Variants in SMIM43 observed in about 807,000 individuals in gnomAD.
SMIM43 encodes the protein small integral membrane protein 43, also known as Nodal Enhanced MEsendoderm Peptide.
intron 5 of SMIM43, 34 bp from the exon 6 acceptor site, chr4:121,760,508 A>G: frequency 6.7e-7 from 1 of 1,498,340 alleles, no homozygotes. Context: ...CTCAGCAGCC[A>G]CCTTAATTAA....
At chr4:121,761,080 A>C (rs1414633265) in intron 5 of SMIM43, among the ~76,000 whole-genome samples, 1 of 151,838 alleles carries the variant, frequency 6.6e-6, no homozygotes, top group Non-Finnish European at 1.5e-5. Context: ...GTGTAGACAA[A>C]ATAAAAAGTG....
chr4:121,761,289 G>A (rs1316704802), intron 5 of SMIM43, among the ~76,000 whole-genome samples: 1 of 152,148 alleles, frequency 6.6e-6, no homozygotes, highest in Non-Finnish European at 1.5e-5. Context: ...TAAAAACAAA[G>A]TACAGCACTG....
chr4:121,761,450 C>T, intron 5 of SMIM43, 88 bp downstream of exon 5: 2 of 1,319,216 alleles, frequency 1.5e-6, no homozygotes, highest in Non-Finnish European at 1.0e-6. Flanking sequence ...TAAAATTTAA[C>T]TCTATTGCAC....
chr4:121,761,306 T>C (rs1456332713), intron 5 of SMIM43, among the ~76,000 whole-genome samples: 1 of 152,174 alleles, frequency 6.6e-6, no homozygotes, highest in Non-Finnish European at 1.5e-5. Flanking sequence ...ACTGTGTAGA[T>C]ACCTTATGCA....
rs1472885836 is a variant in SMIM43, at chr4:121,759,428, C to T, written c.*1546G>A. 1 of 152,218 alleles carries T rather than the reference C, an allele frequency of 6.6e-6. No individual in the cohort carries two copies. Among genetic ancestry groups the T allele is most frequent in the East Asian group, 1.9e-4 (1 of 5,204 alleles). 9.4% of individuals were successfully genotyped at this position (152,218 alleles called of 1,614,324 possible). A position where few individuals can be genotyped will look rare whatever the true frequency, so the allele number is the denominator to read the frequency against. On this transcript the variant is annotated 3_prime_UTR_variant, in exon 6 of 6. Transcript: ENST00000643802. Reference sequence around the variant, plus strand: ...GAATAAAGTATACCGTGCTATCTAACACAATAGCTAGTAGCCCCATTTGGC... The same window carrying T: ...GAATAAAGTATACCGTGCTATCTAATACAATAGCTAGTAGCCCCATTTGGC...
In SMIM43 at chr4:121,760,174, G is replaced by GTAGCCAGGGCATAAAA; in HGVS notation, c.*784_*799dup. Reference sequence around the variant, plus strand: ...TTATGCTCCTCTGCAACTGTATTCTGTAGCCAGGGCATAAAATGTTAGTTG... The same window carrying GTAGCCAGGGCATAAAA: ...TTATGCTCCTCTGCAACTGTATTCTGTAGCCAGGGCATAAAATAGCCAGGGCATAAAATGTTAGTTG... On this transcript the variant is annotated 3_prime_UTR_variant, in exon 6 of 6. Transcript: ENST00000643802. 1 of 1,448,660 alleles carries GTAGCCAGGGCATAAAA rather than the reference G, an allele frequency of 6.9e-7. No homozygotes were observed. Among genetic ancestry groups the GTAGCCAGGGCATAAAA allele is most frequent in the Non-Finnish European group, 9.3e-7 (1 of 1,080,694 alleles). 89.7% of individuals were successfully genotyped at this position (1,448,660 alleles called of 1,614,324 possible). A position where few individuals can be genotyped will look rare whatever the true frequency, so the allele number is the denominator to read the frequency against.
rs1379096936 is a variant in SMIM43 at position 121,760,796 on chromosome 4, G to T, written c.*500-322C>A. 2.6e-5 allele frequency among the ~76,000 whole-genome samples: 4 copies of T among 152,116 alleles called. No homozygotes were observed. The East Asian group carries it at 7.7e-4, about 29-fold the overall frequency. ...TAATAAAACAAAAGTCGCAGATAAT[G>T]GTTTTAGCTCAAACCCACCCATGTC... On this transcript the variant is annotated intron_variant, in intron 5 of 5. Coordinates refer to ENST00000643802, the MANE Select transcript of SMIM43 (RefSeq NM_001384332.1).
At chr4:121,761,994 G>A in intron 3 of SMIM43, 102 bp from the exon 4 acceptor site, 2 of 1,006,264 alleles carry the variant, frequency 2.0e-6, no homozygotes, top group African/African-American at 1.7e-5. Flanking sequence ...AGAAATTCAA[G>A]TCACCTTCTA....
chr4:121,760,658 A>C (rs1726011239), intron 5 of SMIM43, among the ~76,000 whole-genome samples, 184 bp from the exon 6 acceptor site: 1 of 152,212 alleles, frequency 6.6e-6, no homozygotes, highest in African/African-American at 2.4e-5. Context: ...ACCAAGATAA[A>C]AATTCATCTT....
chr4:121,765,196 C>T (rs1032844978), upstream of SMIM43: 7 of 387,096 alleles, frequency 1.8e-5, no homozygotes, highest in African/African-American at 1.5e-4. Context: ...ACCTCCCGCA[C>T]TCCCGCCCCT....
At chr4:121,765,380 C>G, upstream of SMIM43, 1 of 270,340 alleles carries the variant, frequency 3.7e-6, no homozygotes, top group Non-Finnish European at 6.9e-6. Context: ...CGAGCGACTT[C>G]CCTAGGAGCG....
In SMIM43 at chr4:121,759,373, C is replaced by T. The variant is rs1340436274; in HGVS notation, c.*1601G>A. 2 of 152,244 alleles carry T rather than the reference C, an allele frequency of 1.3e-5. No individual in the cohort carries two copies. The highest frequency in any genetic ancestry group is 4.8e-5 in the African/African-American group (2 of 41,456). The allele number at this position is 152,244 out of a possible 1,614,324, so 9.4% of individuals were successfully genotyped here. On this transcript the variant is annotated 3_prime_UTR_variant, in exon 6 of 6. Coordinates refer to ENST00000643802, the MANE Select transcript of SMIM43 (RefSeq NM_001384332.1). ...CCAAGCCCATGACTGACCCACACCT[C>T]TCCCAGCTGGTTCTACAACACAAGA...
In SMIM43 at chr4:121,761,818, C is replaced by G. The variant is rs547189219; in HGVS notation, c.*341+12G>C. The G allele has an allele frequency of 1.9e-6, 3 of 1,612,942 alleles. No homozygotes were observed. In the South Asian group the frequency reaches 3.3e-5, roughly 18 times the overall value. On this transcript the variant is annotated intron_variant, in intron 4 of 5. Coordinates refer to ENST00000643802, the MANE Select transcript of SMIM43 (RefSeq NM_001384332.1). ...ATCTTGCCAAGTAGAACTGCAGATC[C>G]ATTGCACTTACAAGTTTGGAAATTA...
At position 121,761,624 on chromosome 4, in the gene SMIM43, T is replaced by C. The variant is rs143352342; in HGVS notation, c.*413A>G. On this transcript the variant is annotated 3_prime_UTR_variant, in exon 5 of 6. Coordinates refer to ENST00000643802, the MANE Select transcript of SMIM43 (RefSeq NM_001384332.1). ...CCAGAAAAGCCAGTGCATGGCACAC[T>C]CTGGGTAAATTTTCTCTCTTATTCT... The C allele has an allele frequency of 3.7e-6, 6 of 1,613,716 alleles. No individual in the cohort carries two copies. Among genetic ancestry groups the C allele is most frequent in the Middle Eastern group, 1.6e-4 (1 of 6,084 alleles).
intron 5 of SMIM43, among the ~76,000 whole-genome samples, chr4:121,761,123 C>CAA (rs10577662): frequency 2.0e-5 from 3 of 147,674 alleles, no homozygotes; most frequent in African/African-American, 7.5e-5. Context: ...CTGATTCAAA[C>CAA]AAAAAAAAAA....
chr4:121,762,323 T>C (rs1726115073), intron 3 of SMIM43, among the ~76,000 whole-genome samples: 1 of 152,138 alleles, frequency 6.6e-6, no homozygotes, highest in South Asian at 2.1e-4. Flanking sequence ...GTAGTTCTAA[T>C]TTGAGAGATC....
rs1442049682 is a variant in SMIM43 at position 121,759,169 on chromosome 4, A to G, written c.*1805T>C. Reference sequence around the variant, plus strand: ...CAGTACTGCCATTTCTTCATGATCAATTATCACTAAAATCAGTCACAGGAA... The same window carrying G: ...CAGTACTGCCATTTCTTCATGATCAGTTATCACTAAAATCAGTCACAGGAA... On this transcript the variant is annotated 3_prime_UTR_variant, in exon 6 of 6. Coordinates refer to ENST00000643802, the MANE Select transcript of SMIM43 (RefSeq NM_001384332.1). 1.3e-5 allele frequency: 2 copies of G among 152,220 alleles called. No individual in the cohort carries two copies. Among genetic ancestry groups the G allele is most frequent in the Admixed American group, 1.3e-4 (2 of 15,282 alleles). 9.4% of individuals were successfully genotyped at this position (152,220 alleles called of 1,614,324 possible).
In SMIM43 at chr4:121,760,471, G is replaced by C; in HGVS notation, c.*503C>G. ...GTGGGGTGCTGCGGGGACCATCTTG[G>C]AACCTGGAGGAAAAAGCCAAGGGAA... On this transcript the variant is annotated 3_prime_UTR_variant, in exon 6 of 6. Transcript: ENST00000643802. 1 of 1,536,212 alleles carries C rather than the reference G, an allele frequency of 6.5e-7. No individual in the cohort carries two copies. Among genetic ancestry groups the C allele is most frequent in the East Asian group, 2.5e-5 (1 of 40,678 alleles).
Position 121,759,030 on chromosome 4 carries a change from A to T in SMIM43, c.*1944T>A, listed in dbSNP as rs1469539795. 6.6e-6 allele frequency: 1 copy of T among 152,238 alleles called. No homozygotes were observed. Among genetic ancestry groups the T allele is most frequent in the Non-Finnish European group, 1.5e-5 (1 of 68,046 alleles). The allele number at this position is 152,238 out of a possible 1,614,324, so 9.4% of individuals were successfully genotyped here. On this transcript the variant is annotated 3_prime_UTR_variant, in exon 6 of 6. Transcript: ENST00000643802. ...TACACAGAATAATCATTTAGCTGCC[A>T]CAATATTACAAAAATAAAATGACAC...
Sources: allele counts gnomAD v4.1 joint callset (sites outside exome capture counted in the v4.1 genomes callset), GRCh38; gene constraint gnomAD v4.1.1; transcripts MANE v1.5; gene names NCBI Gene and HGNC (gene_info 2026-07-23, HGNC 2026-07-21).